JMY: variants seen among roughly 807,000 people sequenced by gnomAD.
JMY encodes the protein junction-mediating and -regulatory protein.
A neutral mutation model predicts 103.3 loss-of-function variants in JMY; 46 were observed. That is an observed-to-expected ratio of 0.45 (90% CI 0.35 to 0.57). The LOEUF (loss-of-function observed/expected upper bound fraction) is 0.57. Ranked by LOEUF, JMY falls within the 20% of genes least tolerant of loss-of-function variation. JMY has a pLI of 0.00. For synonymous variants in JMY, 526 were observed against 489.3 expected (o/e 1.07, Z -0.99); for missense variants, 1,238 against 1,255.2 (o/e 0.99, Z 0.21).
intron 10 of JMY, 25 bp from the exon 11 acceptor site, chr5:79,321,581 T>C (rs973631897): frequency 6.6e-6 from 1 of 152,166 alleles, no homozygotes; most frequent in African/African-American, 2.4e-5. Flanking sequence ...TTTTTAATGG[T>C]CTGTATTATT....
intron 4 of JMY, among the ~76,000 whole-genome samples, chr5:79,296,644 G>C (rs1260677695): frequency 6.6e-6 from 1 of 152,214 alleles, no homozygotes; most frequent in Admixed American, 6.5e-5. Flanking sequence ...ACTATGCCTA[G>C]CTATGACTTA....
chr5:79,311,553 C>G (rs1397674355), intron 7 of JMY, among the ~76,000 whole-genome samples: 1 of 152,090 alleles, frequency 6.6e-6, no homozygotes, highest in Non-Finnish European at 1.5e-5. Context: ...TGGGAGGTAT[C>G]TCTAATTTTT....
chr5:79,320,908 T>C lies in JMY; in HGVS notation c.*4-698T>C, dbSNP rs144829510. ...CTCAGTTTGAATGCTAAGGATCTGA[T>C]ACTTAATGAGAAATGTCCTACCAAA... is the stretch of plus-strand genomic sequence containing the variant. On this transcript the variant is annotated intron_variant, in intron 10 of 10. Transcript: ENST00000396137. Among the ~76,000 whole-genome samples, 798 of 152,354 alleles carry C rather than the reference T, an allele frequency of 5.2e-3. 9 individuals are homozygous for C. The highest frequency in any genetic ancestry group is 0.019 in the African/African-American group (770 of 41,568).
In JMY at chr5:79,285,304, C is replaced by T. The variant is rs77100495; in HGVS notation, c.1207-4817C>T. On this transcript the variant is annotated intron_variant, in intron 2 of 10. Transcript: ENST00000396137. Reference sequence around the variant, plus strand: ...TGCCCCCCACCCGCCCACTGCCAGTCACCCATCAAACAAATTAGGAAAGAG... The same window carrying T: ...TGCCCCCCACCCGCCCACTGCCAGTTACCCATCAAACAAATTAGGAAAGAG... Among the ~76,000 whole-genome samples the T allele has an allele frequency of 5.5e-3, 827 of 151,632 alleles. 10 individuals carry two copies. The highest frequency in any genetic ancestry group is 0.02 in the African/African-American group (810 of 41,360).
At chr5:79,268,556 C>T (rs907356521) in intron 1 of JMY, among the ~76,000 whole-genome samples, 1 of 152,062 alleles carries the variant, frequency 6.6e-6, no homozygotes, top group Non-Finnish European at 1.5e-5. Flanking sequence ...GGCGTGATCT[C>T]GGCTCACTGC....
At chr5:79,262,125 T>C (rs2607142) in intron 1 of JMY, among the ~76,000 whole-genome samples, 71,239 of 152,022 alleles carry the variant, frequency 0.47, 17,283 homozygotes, top group African/African-American at 0.61. Flanking sequence ...AAACCCTTTG[T>C]GGTTGTATTC....
At chr5:79,302,573 T>C (rs563414450) in intron 6 of JMY, among the ~76,000 whole-genome samples, 1 of 152,242 alleles carries the variant, frequency 6.6e-6, no homozygotes, top group South Asian at 2.1e-4. Flanking sequence ...GACAGAATAG[T>C]TTTTAGCAAA....
intron 1 of JMY, among the ~76,000 whole-genome samples, chr5:79,273,539 C>A (rs1355834953): frequency 6.6e-6 from 1 of 152,204 alleles, no homozygotes; most frequent in Non-Finnish European, 1.5e-5. Context: ...GAGCTTCTTG[C>A]ATGTGTAGAT....
At chr5:79,293,990 C>T (rs1746497612) in intron 4 of JMY, among the ~76,000 whole-genome samples, 1 of 152,146 alleles carries the variant, frequency 6.6e-6, no homozygotes, top group African/African-American at 2.4e-5. Flanking sequence ...AAAATACATA[C>T]AACCACACAG....
Position 79,316,136 on chromosome 5 carries a change from G to A in JMY, c.2796G>A (p.Gly932=). ...SNNILAQIRK[G]VKLKKVQKDV... ...ATATCTTGGCACAAATAAGGAAAGG[G>A]GTAAAATTGAAGAAGGTACAGAAGG... is the stretch of plus-strand genomic sequence containing the variant. The change falls in exon 10 of 11, where the codon GGG becomes GGA. Residue 932 remains glycine, a synonymous_variant. Coordinates refer to ENST00000396137, the MANE Select transcript of JMY (RefSeq NM_152405.5). 1 of 1,614,078 alleles carries A rather than the reference G, an allele frequency of 6.2e-7. No individual in the cohort carries two copies. The highest frequency in any genetic ancestry group is 8.5e-7 in the Non-Finnish European group (1 of 1,179,972).
chr5:79,280,583 G>A (rs1488413878), intron 2 of JMY, among the ~76,000 whole-genome samples: 3 of 152,044 alleles, frequency 2.0e-5, no homozygotes, highest in African/African-American at 7.2e-5. Context: ...GATCCTACTT[G>A]TGAATTTGCA....
intron 4 of JMY, among the ~76,000 whole-genome samples, chr5:79,293,582 T>C (rs1746484088): frequency 6.6e-6 from 1 of 152,128 alleles, no homozygotes; most frequent in Non-Finnish European, 1.5e-5. Context: ...ATAATCATTC[T>C]TACCCCTTTT....
chr5:79,277,972 G>A lies in JMY; in HGVS notation c.1095G>A (p.Glu365=). 1 of 1,614,076 alleles carries A rather than the reference G, an allele frequency of 6.2e-7. No individual in the cohort carries two copies. Among genetic ancestry groups the A allele is most frequent in the Non-Finnish European group, 8.5e-7 (1 of 1,179,958 alleles). The change falls in exon 2 of 11, where the codon GAG becomes GAA. Residue 365 remains glutamate, a synonymous_variant. Coordinates refer to ENST00000396137, the MANE Select transcript of JMY (RefSeq NM_152405.5). ...MVELLDLYQM[E]DEAYSSLAEA... ...AGCTTCTGGACTTGTATCAGATGGA[G>A]GATGAAGCCTACAGCAGCCTTGCAG...
intron 1 of JMY, among the ~76,000 whole-genome samples, chr5:79,272,324 TTTAAA>T (rs1267987125): frequency 2.0e-5 from 3 of 152,190 alleles, no homozygotes; most frequent in Admixed American, 6.5e-5. Flanking sequence ...CAACTCTACC[TTTAAA>T]TTAAAGAGTT....
chr5:79,261,837 C>T (rs1316728394), intron 1 of JMY, among the ~76,000 whole-genome samples: 1 of 152,072 alleles, frequency 6.6e-6, no homozygotes, highest in East Asian at 1.9e-4. Flanking sequence ...GTTGGCCAAG[C>T]TGCTGTCAAA....
At chr5:79,257,120 T>A (rs1373051067) in intron 1 of JMY, among the ~76,000 whole-genome samples, 1 of 151,772 alleles carries the variant, frequency 6.6e-6, no homozygotes, top group Non-Finnish European at 1.5e-5. Context: ...TCACCCAGGC[T>A]GGAGTGCAGT....
At chr5:79,306,028 C>G (rs1325019411) in intron 6 of JMY, among the ~76,000 whole-genome samples, 1 of 152,124 alleles carries the variant, frequency 6.6e-6, no homozygotes, top group Non-Finnish European at 1.5e-5. Context: ...ACCCCCATCT[C>G]TCAGAAAAAA....
At position 79,278,086 on chromosome 5, in the gene JMY, A is replaced by G; in HGVS notation, c.1206+3A>G. On this transcript the variant is annotated splice_donor_region_variant and intron_variant, in intron 2 of 10. Coordinates refer to ENST00000396137, the MANE Select transcript of JMY (RefSeq NM_152405.5). ...TGCTACGAAGACAGCAGATCAAGGT[A>G]TTTTTTTATTAATCCTAACTAGTAG... 2 of 1,604,336 alleles carry G rather than the reference A, an allele frequency of 1.2e-6. No individual in the cohort carries two copies. Among genetic ancestry groups the G allele is most frequent in the South Asian group, 1.1e-5 (1 of 90,208 alleles).
At chr5:79,263,866 C>T (rs1031559111) in intron 1 of JMY, among the ~76,000 whole-genome samples, 1 of 151,456 alleles carries the variant, frequency 6.6e-6, no homozygotes, top group Non-Finnish European at 1.5e-5. Flanking sequence ...GGTACGATCT[C>T]GGCTCACTGC....
Sources: allele counts gnomAD v4.1 joint callset (sites outside exome capture counted in the v4.1 genomes callset), GRCh38; gene constraint gnomAD v4.1.1; transcripts MANE v1.5; gene names NCBI Gene and HGNC (gene_info 2026-07-23, HGNC 2026-07-21).